SIPA1L3: variants seen among roughly 807,000 people sequenced by gnomAD.
SIPA1L3 encodes signal induced proliferation associated 1 like 3.
Under a neutral mutation model 150.1 loss-of-function variants are expected in SIPA1L3, and 59 were observed. The ratio of observed to expected loss-of-function variants is 0.39; its 90% CI spans 0.32 to 0.49. The LOEUF (loss-of-function observed/expected upper bound fraction) is 0.49. Ranked by LOEUF, SIPA1L3 falls within the 20% of genes least tolerant of loss-of-function variation. The pLI is 0.86. For synonymous variants in SIPA1L3, 1,070 were observed against 1,077.6 expected (o/e 0.99, Z 0.14); for missense variants, 2,211 against 2,489.5 (o/e 0.89, Z 2.38).
chr19:38,175,706 G>C (rs1972421347), intron 15 of SIPA1L3, among the ~76,000 whole-genome samples: 1 of 152,144 alleles, frequency 6.6e-6, no homozygotes, highest in Non-Finnish European at 1.5e-5. Context: ...ATCTCGTGAG[G>C]CAGGTGCTGT....
intron 2 of SIPA1L3, among the ~76,000 whole-genome samples, chr19:38,073,722 G>A (rs1969773018): frequency 6.6e-6 from 1 of 152,164 alleles, no homozygotes; most frequent in African/African-American, 2.4e-5. Flanking sequence ...GAAGAAACCA[G>A]GGGTCCCCAG....
rs765110482 is a variant in SIPA1L3 at position 38,081,531 on chromosome 19, G to C, written c.-35G>C. ...GGACCCCATAGAGTGACACCACAGC[G>C]TACGGGGCCAGCAGCACTCCAGTGC... On this transcript the variant is annotated 5_prime_UTR_variant, in exon 3 of 22. Coordinates refer to ENST00000222345, the MANE Select transcript of SIPA1L3 (RefSeq NM_015073.3). The C allele has an allele frequency of 2.0e-6, 3 of 1,537,208 alleles. No individual in the cohort carries two copies. The highest frequency in any genetic ancestry group is 2.3e-5 in the East Asian group (1 of 44,014).
At chr19:37,940,455 C>G (rs2046644037) in intron 1 of SIPA1L3, among the ~76,000 whole-genome samples, 1 of 152,080 alleles carries the variant, frequency 6.6e-6, no homozygotes, top group Admixed American at 6.6e-5. Context: ...AATGAGAAGA[C>G]CATTTTAATC....
intron 1 of SIPA1L3, among the ~76,000 whole-genome samples, chr19:37,977,354 A>C (rs538463427): frequency 1.3e-5 from 2 of 152,110 alleles, no homozygotes; most frequent in Admixed American, 1.3e-4. Flanking sequence ...TAGCAGAGAC[A>C]GGGTTTTGCC....
At chr19:38,163,593 C>T (rs1172920273) in intron 14 of SIPA1L3, among the ~76,000 whole-genome samples, 1 of 150,680 alleles carries the variant, frequency 6.6e-6, no homozygotes, top group East Asian at 1.9e-4. Context: ...GACCTTTGAG[C>T]GGAAACCTTG....
intron 1 of SIPA1L3, among the ~76,000 whole-genome samples, chr19:38,000,311 T>G (rs995170730): frequency 5.3e-5 from 8 of 151,050 alleles, no homozygotes; most frequent in African/African-American, 1.9e-4. Flanking sequence ...TACTAAAAAT[T>G]AAAAAAATTA....
chr19:38,045,598 G>C (rs1969039064), intron 2 of SIPA1L3, among the ~76,000 whole-genome samples: 1 of 152,008 alleles, frequency 6.6e-6, no homozygotes, highest in African/African-American at 2.4e-5. Context: ...AAAAGTGCAG[G>C]GGGCCTTGAG....
At chr19:38,092,726 G>T (rs1326271328) in intron 4 of SIPA1L3, among the ~76,000 whole-genome samples, 1 of 152,212 alleles carries the variant, frequency 6.6e-6, no homozygotes, top group Non-Finnish European at 1.5e-5. Flanking sequence ...ATGCTCGTGA[G>T]ACTGGGTGTT....
intron 2 of SIPA1L3, among the ~76,000 whole-genome samples, chr19:38,076,172 C>A (rs1025870120): frequency 2.0e-5 from 3 of 151,726 alleles, no homozygotes; most frequent in East Asian, 1.9e-4. Context: ...TAAGTAAATA[C>A]ATAAATAAAT....
chr19:38,044,323 G>A (rs967498290), intron 2 of SIPA1L3, among the ~76,000 whole-genome samples: 1 of 152,202 alleles, frequency 6.6e-6, no homozygotes, highest in African/African-American at 2.4e-5. Context: ...GTCCAGGGGG[G>A]AGAAGGAAAA....
At chr19:38,154,826 A>G (rs1971908547) in intron 13 of SIPA1L3, among the ~76,000 whole-genome samples, 1 of 150,052 alleles carries the variant, frequency 6.7e-6, no homozygotes. Context: ...CAGTGGCGTA[A>G]TCTCAGCTCG....
intron 2 of SIPA1L3, among the ~76,000 whole-genome samples, chr19:38,056,450 G>A (rs1163471816): frequency 6.6e-6 from 1 of 151,968 alleles, no homozygotes; most frequent in African/African-American, 2.4e-5. Flanking sequence ...CATCCTTCAG[G>A]GCTTAAACAC....
chr19:37,949,644 G>A lies in SIPA1L3; in HGVS notation c.-379+42286G>A, dbSNP rs554703999. Among the ~76,000 whole-genome samples the A allele has an allele frequency of 1.2e-4, 18 of 151,674 alleles. No homozygotes were observed. In the South Asian group the frequency reaches 1.9e-3, roughly 16 times the overall value. The stretch of plus-strand genomic sequence containing the variant: ...CCCGCCATTGCACTCCAGCCTGGGA[G>A]ACGAGAGAAACTCTGTCTCAAAAAA... On this transcript the variant is annotated intron_variant, in intron 1 of 21. Coordinates refer to ENST00000222345, the MANE Select transcript of SIPA1L3 (RefSeq NM_015073.3).
At chr19:38,200,092 T>G (rs1317848145) in intron 19 of SIPA1L3, 1 of 152,106 alleles carries the variant, frequency 6.6e-6, no homozygotes, top group Admixed American at 6.6e-5. Flanking sequence ...CTTATTTATT[T>G]TTTAGAGTCT....
At chr19:37,969,262 AC>A (rs1335194279) in intron 1 of SIPA1L3, among the ~76,000 whole-genome samples, 17 of 151,884 alleles carry the variant, frequency 1.1e-4, no homozygotes, top group Admixed American at 3.3e-4. Flanking sequence ...AAAGAAAAAA[AC>A]CTTATAGGCC....
intron 7 of SIPA1L3, chr19:38,110,009 C>G (rs559903125): frequency 5.5e-6 from 3 of 542,332 alleles, no homozygotes; most frequent in East Asian, 3.0e-5. Context: ...GCAGAGGCTT[C>G]GAGGAAGTGT....
chr19:38,164,439 C>G lies in SIPA1L3; in HGVS notation c.3781-40C>G. ...CCCGGCAAGGGAAGATGCGCCCCTG[C>G]CCTGGAGTCTGGGAATGACACGCTT... is the stretch of plus-strand genomic sequence containing the variant. On this transcript the variant is annotated intron_variant, in intron 14 of 21. Transcript: ENST00000222345. This position sits in a 1 kb window ranked among gnomAD's most constrained non-coding sequence, Gnocchi z 4.1. 1 of 1,559,318 alleles carries G rather than the reference C, an allele frequency of 6.4e-7. No homozygotes were observed. The highest frequency in any genetic ancestry group is 8.7e-7 in the Non-Finnish European group (1 of 1,143,986).
intron 3 of SIPA1L3, among the ~76,000 whole-genome samples, chr19:38,085,583 C>T (rs1436226388): frequency 6.6e-6 from 1 of 152,062 alleles, no homozygotes; most frequent in Non-Finnish European, 1.5e-5. Flanking sequence ...GTTGAAAGCA[C>T]CTTTTAGAGG....
At chr19:38,123,803 GC>G in intron 9 of SIPA1L3, among the ~76,000 whole-genome samples, 1 of 121,986 alleles carries the variant, frequency 8.2e-6, no homozygotes, top group African/African-American at 3.8e-5. Flanking sequence ...CGGGGTGGCG[GC>G]CGGGCAGAGG....
Sources: gnomAD v4.1 joint callset for allele counts (sites outside exome capture counted in the v4.1 genomes callset) on GRCh38, gnomAD v4.1.1 for gene constraint, Gnocchi (gnomAD v3.1) non-coding constraint, MANE v1.5 for transcripts, NCBI Gene and HGNC (gene_info 2026-07-23, HGNC 2026-07-21) for gene names.